The following ARSG variants were observed in gnomAD, a reference collection of about 807,000 sequenced individuals.
ARSG encodes the protein ASG.
In ARSG, 37 loss-of-function variants were observed where a neutral mutation model predicts 50.5. The observed-to-expected ratio is 0.73, with a 90% CI of 0.56 to 0.96. The LOEUF is 0.96. ARSG is among the 50% of genes least tolerant of loss of function. The pLI is 0.00. For missense variants in ARSG, 629 were observed against 675.3 expected, an observed-to-expected ratio of 0.93 and a Z score of 0.76; for synonymous variants, 225 against 254.6, an observed-to-expected ratio of 0.88 and a Z score of 1.11.
chr17:68,445,992 T>G, the ARSG span, among the ~76,000 whole-genome samples: 1 of 152,148 alleles, frequency 6.6e-6, no homozygotes, highest in African/African-American at 2.4e-5. Context: ...ACCACTGGTC[T>G]CAGCCAGCTC....
At chr17:68,270,372 G>A (rs782761507) in intron 1 of ARSG, among the ~76,000 whole-genome samples, 9 of 152,016 alleles carry the variant, frequency 5.9e-5, no homozygotes, top group Non-Finnish European at 1.2e-4. Flanking sequence ...TGGCCAACAT[G>A]GTGAAACCCC....
rs2080242551 is a variant in ARSG at position 68,378,138 on chromosome 17, G to A, written c.983-6926G>A. Among the ~76,000 whole-genome samples the A allele has an allele frequency of 6.6e-6, 1 of 152,296 alleles. No individual in the cohort carries two copies. The highest frequency in any genetic ancestry group is 3.4e-3 in the Middle Eastern group (1 of 294). Reference sequence around the variant, plus strand: ...CCATGTCCTGTGAGTCAAGGGGGCTGGGGTCCCTCTGGTCACCTGCTCCTC... The same window carrying A: ...CCATGTCCTGTGAGTCAAGGGGGCTAGGGTCCCTCTGGTCACCTGCTCCTC... On this transcript the variant is annotated intron_variant, in intron 8 of 11. Transcript: ENST00000621439. The surrounding 1 kb of genome is among the most constrained non-coding windows in gnomAD (Gnocchi z 4.4).
chr17:68,330,758 G>C (rs2077694924), intron 2 of ARSG, among the ~76,000 whole-genome samples: 4 of 152,224 alleles, frequency 2.6e-5, no homozygotes, highest in African/African-American at 9.6e-5. Context: ...CTCCTGGCCT[G>C]GGAAGCCCAT....
chr17:68,293,082 C>T (rs2076074883), intron 1 of ARSG, among the ~76,000 whole-genome samples: 1 of 152,224 alleles, frequency 6.6e-6, no homozygotes, highest in Admixed American at 6.5e-5. Context: ...CTGACTCCAA[C>T]ACACTCCCTG....
intron 9 of ARSG, among the ~76,000 whole-genome samples, chr17:68,389,990 CTTT>C (rs1321680644): frequency 6.6e-6 from 1 of 151,902 alleles, no homozygotes; most frequent in East Asian, 1.9e-4. Flanking sequence ...TTCTTTCTTT[CTTT>C]CTTTCTTTTT....
intron 2 of ARSG, among the ~76,000 whole-genome samples, chr17:68,308,869 G>A (rs2076720914): frequency 6.6e-6 from 1 of 152,260 alleles, no homozygotes; most frequent in Admixed American, 6.5e-5. Flanking sequence ...TCCCGCACCG[G>A]CGCTGCAGGT....
the ARSG span, chr17:68,430,261 A>C: frequency 8.3e-7 from 1 of 1,208,676 alleles, no homozygotes; most frequent in Non-Finnish European, 1.2e-6. Context: ...TCCCCGCAGC[A>C]GGGAGAGACT....
At chr17:68,304,716 G>A (rs2076543265) in intron 1 of ARSG, among the ~76,000 whole-genome samples, 1 of 152,224 alleles carries the variant, frequency 6.6e-6, no homozygotes, top group Non-Finnish European at 1.5e-5. Context: ...AAAAAATACA[G>A]ATAAGGTCTC....
chr17:68,287,017 C>G (rs1037557550), upstream of ARSG, among the ~76,000 whole-genome samples: 1 of 151,972 alleles, frequency 6.6e-6, no homozygotes, highest in Non-Finnish European at 1.5e-5. Flanking sequence ...GAGTTTCGCT[C>G]TTGTTGCCTA....
At chr17:68,406,364 C>A (rs1311510644) in intron 11 of ARSG, among the ~76,000 whole-genome samples, 2 of 152,172 alleles carry the variant, frequency 1.3e-5, no homozygotes, top group African/African-American at 4.8e-5. Flanking sequence ...GTGCAAGTAT[C>A]TTTTTCGTAC....
intron 6 of ARSG, among the ~76,000 whole-genome samples, chr17:68,359,168 GACAACA>G (rs537819429): frequency 1.2e-4 from 18 of 151,322 alleles, no homozygotes; most frequent in Non-Finnish European, 4.4e-5. Flanking sequence ...ATCTCAAAAC[GACAACA>G]ACAACAACAA....
At position 68,403,403 on chromosome 17, in the gene ARSG, A is replaced by G. The variant is rs117887872; in HGVS notation, c.1303+1953A>G. On this transcript the variant is annotated intron_variant, in intron 11 of 11. Transcript: ENST00000621439. ...GGTCTGCTCTTCTAAGGAGTCACCA[A>G]ACTCCCAAGAGAGTCTGGGTAGGGA... Among the ~76,000 whole-genome samples the G allele has an allele frequency of 8.6e-4, 131 of 152,352 alleles. 1 individual carries two copies. The East Asian group carries it at 0.019, about 22-fold the overall frequency.
At chr17:68,303,409 G>T (rs1405339679) in intron 1 of ARSG, among the ~76,000 whole-genome samples, 1 of 152,126 alleles carries the variant, frequency 6.6e-6, no homozygotes, top group Non-Finnish European at 1.5e-5. Context: ...ACAGGCATGA[G>T]CCACTGAGTC....
intron 3 of ARSG, among the ~76,000 whole-genome samples, chr17:68,344,031 C>G (rs990029912): frequency 2.6e-5 from 4 of 152,198 alleles, no homozygotes; most frequent in African/African-American, 9.6e-5. Flanking sequence ...TTCAGCTGCT[C>G]AAAGATGCTG....
chr17:68,393,941 C>A (rs1016687329), intron 9 of ARSG, among the ~76,000 whole-genome samples: 1 of 150,578 alleles, frequency 6.6e-6, no homozygotes, highest in African/African-American at 2.4e-5. Context: ...AATGAATCTT[C>A]TATTTTTTTG....
At chr17:68,422,291 G>C (rs11652161), downstream of ARSG, 34,961 of 162,820 alleles carry the variant, frequency 0.21, 4,714 homozygotes, top group Non-Finnish European at 0.3. Context: ...GCCGGGCATG[G>C]TGGCGCTCAC....
chr17:68,450,877 T>G, the ARSG span: 2 of 1,613,134 alleles, frequency 1.2e-6, no homozygotes, highest in Non-Finnish European at 1.7e-6. Flanking sequence ...CGCTCCACGA[T>G]GTAGACGTCC....
In ARSG at chr17:68,355,516, G is replaced by A. The variant is rs145933461; in HGVS notation, c.567-1151G>A. On this transcript the variant is annotated intron_variant, in intron 5 of 11. Coordinates refer to ENST00000621439, the MANE Select transcript of ARSG (RefSeq NM_001267727.2). Reference sequence around the variant, plus strand: ...TGAGACTACAGGCGTGCAGCACCACGGCTAATTTTTGTATTTTTAGTAGAG... The same window carrying A: ...TGAGACTACAGGCGTGCAGCACCACAGCTAATTTTTGTATTTTTAGTAGAG... Among the ~76,000 whole-genome samples the A allele has an allele frequency of 5.3e-3, 801 of 152,148 alleles. 9 individuals are homozygous for A. Among genetic ancestry groups the A allele is most frequent in the African/African-American group, 0.017 (690 of 41,520 alleles).
intron 2 of ARSG, among the ~76,000 whole-genome samples, chr17:68,308,279 C>T (rs899807539): frequency 2.0e-5 from 3 of 152,150 alleles, no homozygotes; most frequent in Non-Finnish European, 2.9e-5. Flanking sequence ...CAAACCCTCG[C>T]GGTGAGTGTT....
Sources: allele counts gnomAD v4.1 joint callset (sites outside exome capture counted in the v4.1 genomes callset), GRCh38; gene constraint gnomAD v4.1.1; non-coding constraint Gnocchi (gnomAD v3.1); transcripts MANE v1.5; gene names NCBI Gene and HGNC (gene_info 2026-07-23, HGNC 2026-07-21).